Variants in THBS2 observed in about 807,000 individuals in gnomAD.
The protein encoded by THBS2 is thrombospondin-2.
In THBS2, 47 loss-of-function variants were observed where a neutral mutation model predicts 135.2. That is an observed-to-expected ratio of 0.35 (90% CI 0.28 to 0.44). The LOEUF (loss-of-function observed/expected upper bound fraction) is 0.44, where lower values mean the gene tolerates loss of function less well. Among genes scored for constraint, THBS2 ranks in the 20% least tolerant of loss-of-function variants. THBS2 has a pLI of 1.00. For missense variants in THBS2, 1,288 were observed against 1,603.1 expected (o/e 0.80, Z 3.36); for synonymous variants, 639 against 633.8 (o/e 1.01, Z -0.12).
At position 169,232,769 on chromosome 6, in the gene THBS2, G is replaced by A. The variant is rs765395610; in HGVS notation, c.1827C>T (p.Arg609=). ...GGAAGCCAGGCTGAGTGTTGACACA[G>A]CGAGGCACCTTGCTGGTGGAGAAGC... is the stretch of plus-strand genomic sequence containing the variant. ...DICFSTSKVP[R]CVNTQPGFHC... The change falls in exon 12 of 22, where the codon CGC becomes CGT. Residue 609 remains arginine (R), a synonymous_variant. Coordinates refer to ENST00000617924, the MANE Select transcript of THBS2 (RefSeq NM_003247.5). 3 of 1,613,916 alleles carry A rather than the reference G, an allele frequency of 1.9e-6. No individual in the cohort carries two copies. Among genetic ancestry groups the A allele is most frequent in the South Asian group, 2.2e-5 (2 of 91,090 alleles).
chr6:169,244,276 G>A (rs1313034556), intron 4 of THBS2, among the ~76,000 whole-genome samples: 1 of 147,596 alleles, frequency 6.8e-6, no homozygotes, highest in Non-Finnish European at 1.5e-5. Flanking sequence ...GGAAATACCT[G>A]CTGAAGGAGG....
Position 169,247,518 on chromosome 6 carries a change from G to A in THBS2, c.609+899C>T, listed in dbSNP as rs369979792. 4.1e-3 allele frequency among the ~76,000 whole-genome samples: 523 copies of A among 128,674 alleles called. 2 individuals are homozygous for A. Among genetic ancestry groups the A allele is most frequent in the African/African-American group, 0.013 (463 of 36,638 alleles). 84.4% of individuals were successfully genotyped at this position (128,674 alleles called of 152,430 possible). A position where few individuals can be genotyped will look rare whatever the true frequency, so the allele number is the denominator to read the frequency against. ...GTATGCATCTATATGATGTTCATGT[G>A]TTTATGTGTGGGGGATGTGTGAGTG... On this transcript the variant is annotated intron_variant, in intron 3 of 21. Coordinates refer to ENST00000617924, the MANE Select transcript of THBS2 (RefSeq NM_003247.5).
At chr6:169,227,546 G>T (rs931035632) in intron 15 of THBS2, among the ~76,000 whole-genome samples, 4 of 152,176 alleles carry the variant, frequency 2.6e-5, no homozygotes, top group African/African-American at 9.7e-5. Flanking sequence ...GAAGCACGAG[G>T]CCCAGGACTG....
chr6:169,234,873 C>T lies in THBS2; in HGVS notation c.1512G>A (p.Ser504=), dbSNP rs755518232. Residue 504 remains serine, a synonymous_variant, in exon 10 of 22, where the codon TCG becomes TCA. Transcript: ENST00000617924. ...CACCGGCACAGGTGACAGTGCAGGC[C>T]GACCACGGGGACCAGGGGCTCCAGC... ...DGRWSPWSPW[S]ACTVTCAGGI... 13 of 1,611,740 alleles carry T rather than the reference C, an allele frequency of 8.1e-6. No individual in the cohort carries two copies. Among genetic ancestry groups the T allele is most frequent in the South Asian group, 7.7e-5 (7 of 90,946 alleles).
intron 8 of THBS2, 62 bp from the exon 9 acceptor site, chr6:169,237,408 G>C: frequency 6.3e-7 from 1 of 1,595,084 alleles, no homozygotes; most frequent in Non-Finnish European, 8.6e-7. Flanking sequence ...GCCTGTAAGC[G>C]GTGTGCCTTA....
At chr6:169,253,291 T>C (rs996381726) in intron 1 of THBS2, among the ~76,000 whole-genome samples, 1 of 152,246 alleles carries the variant, frequency 6.6e-6, no homozygotes, top group African/African-American at 2.4e-5. Context: ...AATCAGAGTC[T>C]CTCTCTAATC....
chr6:169,236,327 C>T (rs1309650691), intron 9 of THBS2, among the ~76,000 whole-genome samples: 6 of 92,024 alleles, frequency 6.5e-5, no homozygotes, highest in African/African-American at 1.7e-4. Context: ...ACACTCACTC[C>T]CCCATCCACA....
At chr6:169,243,624 A>G (rs1450714359) in intron 4 of THBS2, among the ~76,000 whole-genome samples, 2 of 152,234 alleles carry the variant, frequency 1.3e-5, no homozygotes, top group African/African-American at 4.8e-5. Context: ...TCAGGTCAAT[A>G]TCAACACATT....
chr6:169,217,840 A>AAAG lies in THBS2; in HGVS notation c.3512-12_3512-11insCTT. On this transcript the variant is annotated splice_polypyrimidine_tract_variant and intron_variant, in intron 21 of 21. Coordinates refer to ENST00000617924, the MANE Select transcript of THBS2 (RefSeq NM_003247.5). ...ATCTTGTTTAAATATCTACAAAAAG[A>AAAG]AAAAAAAAAGCAATAAACAATTAGC... 1 of 168,042 alleles carries AAAG rather than the reference A, an allele frequency of 6.0e-6. No homozygotes were observed. The highest frequency in any genetic ancestry group is 8.2e-6 in the Non-Finnish European group (1 of 121,908). 10.4% of individuals were successfully genotyped at this position (168,042 alleles called of 1,614,324 possible). A position where few individuals can be genotyped will look rare whatever the true frequency, so the allele number is the denominator to read the frequency against.
chr6:169,226,131 G>T, intron 16 of THBS2, 49 bp downstream of exon 16: 1 of 1,502,256 alleles, frequency 6.7e-7, no homozygotes, highest in Non-Finnish European at 9.2e-7. Context: ...CCGTCCCCGC[G>T]TCCCTCTGAT....
In THBS2 at chr6:169,239,583, G is replaced by C; in HGVS notation, c.1129+16C>G. 1 of 1,584,708 alleles carries C rather than the reference G, an allele frequency of 6.3e-7. No homozygotes were observed. The highest frequency in any genetic ancestry group is 2.3e-5 in the East Asian group (1 of 44,214). On this transcript the variant is annotated intron_variant, in intron 7 of 21. Transcript: ENST00000617924. ...CCTAAAAATGCAGGATGCGCTTGCC[G>C]GCTGGCGATACTCACAGTGGAGGCA...
At chr6:169,239,837 G>T in intron 6 of THBS2, 142 bp from the exon 7 acceptor site, 1 of 677,636 alleles carries the variant, frequency 1.5e-6, no homozygotes, top group South Asian at 1.9e-5. Flanking sequence ...GTGAAAATAA[G>T]GGCATCTTTT....
In THBS2 at chr6:169,237,580, G is replaced by GC. The variant is rs762833936; in HGVS notation, c.1300+44dup. On this transcript the variant is annotated intron_variant, in intron 8 of 21. Transcript: ENST00000617924. ...GGTCCCGATGACTGAGAGAAACGCG[G>GC]CCCCACCCCCACAGGCACGCGGGTG... 10 of 1,607,260 alleles carry GC rather than the reference G, an allele frequency of 6.2e-6. No individual in the cohort carries two copies. The East Asian group carries it at 2.0e-4, about 32-fold the overall frequency.
chr6:169,215,829 A>G lies in THBS2; in HGVS notation c.*1993T>C, dbSNP rs1779153156. 1 of 151,878 alleles carries G rather than the reference A, an allele frequency of 6.6e-6. No individual in the cohort carries two copies. The highest frequency in any genetic ancestry group is 1.5e-5 in the Non-Finnish European group (1 of 67,900). 9.4% of individuals were successfully genotyped at this position (151,878 alleles called of 1,614,324 possible). On this transcript the variant is annotated 3_prime_UTR_variant, in exon 22 of 22. Coordinates refer to ENST00000617924, the MANE Select transcript of THBS2 (RefSeq NM_003247.5). ...AATTTATTTCCTGTTGTTAATCTTT[A>G]AAAATGAGGTTCTAGCTAAGTGCAG...
rs1455895535 is a variant in THBS2, at chr6:169,220,247, G to T, written c.3462C>A (p.Val1154=). 62 of 1,613,946 alleles carry T rather than the reference G, an allele frequency of 3.8e-5. No individual in the cohort carries two copies. The highest frequency in any genetic ancestry group is 5.2e-5 in the Non-Finnish European group (61 of 1,179,958). ...AGAAATAGACCATTTCTTGAGAGAA[G>T]ACAAATAGACCCAGCCGCCCGCCAG... ...TYAGGRLGLF[V]FSQEMVYFSD... is the part of the protein sequence containing the mutation. The change falls in exon 21 of 22, where the codon GTC becomes GTA. Residue 1154 remains valine, a synonymous_variant. Transcript: ENST00000617924.
At chr6:169,244,600 G>A (rs1305447760) in intron 4 of THBS2, among the ~76,000 whole-genome samples, 5 of 143,466 alleles carry the variant, frequency 3.5e-5, no homozygotes, top group African/African-American at 5.0e-5. Context: ...ACACACGCAC[G>A]CACACACACA....
In THBS2 at chr6:169,248,502, A is replaced by G. The variant is rs1780638475; in HGVS notation, c.524T>C (p.Leu175Pro). The change falls in exon 3 of 22, where the codon CTG becomes CCG. Residue 175 changes from leucine to proline, a missense_variant. Around this residue, in one of 2 missense-constraint regions of THBS2, gnomAD observed 414 missense variants for 447.0 expected, o/e 0.93. Transcript: ENST00000617924. ...CAGGTGCTCGTAGAAGGGCTCGTCCAGAGCGAAGCTGTCTATGAGGTCGCA... is the reference window on the plus strand; with the variant it reads ...CAGGTGCTCGTAGAAGGGCTCGTCCGGAGCGAAGCTGTCTATGAGGTCGCA... ...VGCDLIDSFA[L>P]DEPFYEHLQA... The G allele has an allele frequency of 6.2e-7, 1 of 1,614,012 alleles. No individual in the cohort carries two copies.
At chr6:169,218,036 G>T (rs1779243279) in intron 21 of THBS2, among the ~76,000 whole-genome samples, 2 of 78,654 alleles carry the variant, frequency 2.5e-5, no homozygotes, top group African/African-American at 9.8e-5. Flanking sequence ...TGGGTGGGTG[G>T]ATGAGATGGA....
chr6:169,220,394 A>C (rs1208140523), intron 20 of THBS2, 57 bp from the exon 21 acceptor site: 2 of 1,563,332 alleles, frequency 1.3e-6, no homozygotes, highest in Middle Eastern at 1.7e-4. Flanking sequence ...AACTCTGTGA[A>C]GCATTCACCA....
Sources: allele counts gnomAD v4.1 joint callset (sites outside exome capture counted in the v4.1 genomes callset), GRCh38; gene constraint gnomAD v4.1.1; regional missense constraint gnomAD v4.1.1; transcripts MANE v1.5; gene names NCBI Gene and HGNC (gene_info 2026-07-23, HGNC 2026-07-21).